Variants in INTS13 observed in about 807,000 individuals in gnomAD.
INTS13 encodes integrator complex subunit 13, also known as asunder, spermatogenesis regulator homolog (Drosphila).
A neutral mutation model predicts 90.2 loss-of-function variants in INTS13; 35 were observed. The ratio of observed to expected loss-of-function variants is 0.39; its 90% CI spans 0.30 to 0.51. The LOEUF (loss-of-function observed/expected upper bound fraction) is 0.51, where lower values mean the gene tolerates loss of function less well. Ranked by LOEUF, INTS13 falls within the 20% of genes least tolerant of loss-of-function variation. The pLI is 0.80. For synonymous variants in INTS13, 309 were observed against 277.1 expected, an observed-to-expected ratio of 1.11 and a Z score of -1.14; for missense variants, 601 against 851.2, an observed-to-expected ratio of 0.71 and a Z score of 3.66.
intron 5 of INTS13, 118 bp from the exon 6 acceptor site, chr12:26,925,969 C>A: frequency 1.5e-6 from 1 of 668,940 alleles, no homozygotes; most frequent in Admixed American, 2.8e-5. Context: ...TTAGATATTA[C>A]TGTTAACCCA....
chr12:26,914,053 ATATTGT>A lies in INTS13; in HGVS notation c.1489_1494del (p.Thr497_Ile498del). On this transcript the variant is annotated inframe_deletion, in exon 13 of 17. Transcript: ENST00000261191. ...TTTCTTTCCATATCAACTAAGTTGT[ATATTGT>A]TTTTTGACAGTTTAACACATCTTCT... is the stretch of plus-strand genomic sequence containing the variant. 1 of 1,611,632 alleles carries A rather than the reference ATATTGT, an allele frequency of 6.2e-7. No individual in the cohort carries two copies. The highest frequency in any genetic ancestry group is 8.5e-7 in the Non-Finnish European group (1 of 1,179,040).
intron 6 of INTS13, among the ~76,000 whole-genome samples, chr12:26,925,421 T>C (rs1937814443): frequency 6.6e-6 from 1 of 152,156 alleles, no homozygotes; most frequent in Admixed American, 6.5e-5. Flanking sequence ...TATTTTTTGT[T>C]AAAGAGTGTA....
chr12:26,916,224 G>T, intron 10 of INTS13, 44 bp from the exon 11 acceptor site: 5 of 1,440,214 alleles, frequency 3.5e-6, no homozygotes, highest in South Asian at 1.4e-5. Context: ...AACTCAAATG[G>T]GCTCTCATTT....
At chr12:26,935,298 T>C (rs1938402491) in intron 2 of INTS13, among the ~76,000 whole-genome samples, 1 of 152,256 alleles carries the variant, frequency 6.6e-6, no homozygotes, top group Non-Finnish European at 1.5e-5. Context: ...AAGAACATTT[T>C]GGAAAACTTA....
rs1951866689 is a variant in INTS13, at chr12:26,914,126, T to C, written c.1422A>G (p.Val474=). The C allele has an allele frequency of 1.9e-6, 3 of 1,570,434 alleles. No homozygotes were observed. Among genetic ancestry groups the C allele is most frequent in the Non-Finnish European group, 2.6e-6 (3 of 1,166,770 alleles). ...SQTTIFNMQA[V]VPLASVIVKE... is the part of the protein sequence containing the mutation. ...TCACAATAACACTGGCTAATGGAAC[T>C]ACCTGTTAGATTTTTTTTAAAGAAA... is the stretch of plus-strand genomic sequence containing the variant. Residue 474 remains valine (V), a splice_region_variant and synonymous_variant, in exon 13 of 17, where the codon GTA becomes GTG. Coordinates refer to ENST00000261191, the MANE Select transcript of INTS13 (RefSeq NM_018164.3).
intron 15 of INTS13, among the ~76,000 whole-genome samples, chr12:26,907,744 C>A (rs1429473959): frequency 6.6e-6 from 1 of 152,132 alleles, no homozygotes; most frequent in African/African-American, 2.4e-5. Flanking sequence ...TAATAAGAAA[C>A]AATCCAATTT....
intron 5 of INTS13, among the ~76,000 whole-genome samples, chr12:26,927,463 GA>G (rs149638178): frequency 0.011 from 1,709 of 151,552 alleles, 26 homozygotes; most frequent in African/African-American, 0.039. Context: ...GAGTATAGAG[GA>G]AAAAAAACTG....
Position 26,936,317 on chromosome 12 carries a change from T to C in INTS13, c.225+262A>G, listed in dbSNP as rs574181246. Reference sequence around the variant, plus strand: ...CTACAGTTCCTACCTAACATGACTGTTATGAGAATTACGGAAATTAATAAA... The same window carrying C: ...CTACAGTTCCTACCTAACATGACTGCTATGAGAATTACGGAAATTAATAAA... On this transcript the variant is annotated intron_variant, in intron 2 of 16. Transcript: ENST00000261191. Among the ~76,000 whole-genome samples the C allele has an allele frequency of 7.9e-5, 12 of 152,344 alleles. No homozygotes were observed. The South Asian group carries it at 1.7e-3, about 21-fold the overall frequency.
chr12:26,927,945 GA>G (rs574902750), intron 5 of INTS13, among the ~76,000 whole-genome samples: 1 of 151,584 alleles, frequency 6.6e-6, no homozygotes, highest in Non-Finnish European at 1.5e-5. Flanking sequence ...ACAACTATGA[GA>G]AAAAAACCAT....
At chr12:26,919,187 GA>G (rs112449459) in intron 8 of INTS13, 686 of 149,934 alleles carry the variant, frequency 4.6e-3, no homozygotes, top group African/African-American at 0.013. Context: ...AAGAAAAAAA[GA>G]AAAAAAAAAA....
intron 5 of INTS13, among the ~76,000 whole-genome samples, chr12:26,926,625 C>T (rs925523032): frequency 4.6e-5 from 7 of 152,190 alleles, no homozygotes; most frequent in African/African-American, 1.4e-4. Flanking sequence ...CACAAATATA[C>T]ATATTGGTCT....
At chr12:26,917,765 G>A (rs1383969518) in intron 8 of INTS13, 32 bp from the exon 9 acceptor site, 4 of 1,278,862 alleles carry the variant, frequency 3.1e-6, no homozygotes, top group Non-Finnish European at 4.3e-6. Context: ...ATTACACATT[G>A]TATACATGTA....
chr12:26,928,443 GA>G, intron 4 of INTS13, among the ~76,000 whole-genome samples, 158 bp from the exon 5 acceptor site: 1 of 150,792 alleles, frequency 6.6e-6, no homozygotes, highest in Non-Finnish European at 1.5e-5. Flanking sequence ...ACAACTAGCT[GA>G]AAAACCAGTG....
At chr12:26,934,669 A>T in intron 2 of INTS13, 39 bp from the exon 3 acceptor site, 2 of 1,366,898 alleles carry the variant, frequency 1.5e-6, no homozygotes, top group Non-Finnish European at 2.1e-6. Context: ...TTCAACTCTA[A>T]TTTCACTCAA....
intron 15 of INTS13, 169 bp from the exon 16 acceptor site, chr12:26,906,606 C>G (rs769657552): frequency 1.4e-5 from 10 of 702,746 alleles, no homozygotes; most frequent in Non-Finnish European, 2.3e-5. Flanking sequence ...TCCTCTTACT[C>G]TAAAATTTAT....
intron 3 of INTS13, 88 bp from the exon 4 acceptor site, chr12:26,928,993 A>G (rs956487674): frequency 3.5e-6 from 4 of 1,154,818 alleles, no homozygotes; most frequent in Admixed American, 2.3e-5. Context: ...ACACCAATGT[A>G]TCTTACATAT....
In INTS13 at chr12:26,928,870, A is replaced by G; in HGVS notation, c.336T>C (p.Asn112=). The G allele has an allele frequency of 6.2e-7, 1 of 1,614,222 alleles. No individual in the cohort carries two copies. The highest frequency in any genetic ancestry group is 8.5e-7 in the Non-Finnish European group (1 of 1,180,038). ...TGCAGCACTCTGGATCTGCCCGAGG[A>G]TTAGGAGGCCCAACAGCGGCTAATG... is the stretch of plus-strand genomic sequence containing the variant. ...MAALAAVGPP[N]PRADPECCSI... is the part of the protein sequence containing the mutation. The change falls in exon 4 of 17, where the codon AAT becomes AAC. Residue 112 remains asparagine (N), a synonymous_variant. Coordinates refer to ENST00000261191, the MANE Select transcript of INTS13 (RefSeq NM_018164.3).
At chr12:26,926,147 G>A (rs548749162) in intron 5 of INTS13, among the ~76,000 whole-genome samples, 84 of 152,206 alleles carry the variant, frequency 5.5e-4, no homozygotes, top group South Asian at 5.4e-3. Flanking sequence ...CTGCAACAGC[G>A]AAAATGAATA....
intron 15 of INTS13, among the ~76,000 whole-genome samples, chr12:26,910,539 T>C (rs968548842): frequency 7.2e-5 from 11 of 152,210 alleles, no homozygotes; most frequent in Admixed American, 2.0e-4. Flanking sequence ...CCTCTCCCTT[T>C]GCTCTGCCCT....
Sources: allele counts gnomAD v4.1 joint callset (sites outside exome capture counted in the v4.1 genomes callset), GRCh38; gene constraint gnomAD v4.1.1; transcripts MANE v1.5; gene names NCBI Gene and HGNC (gene_info 2026-07-23, HGNC 2026-07-21).